The following CRTC1 variants were observed in gnomAD, a reference collection of about 807,000 sequenced individuals.
The protein encoded by CRTC1 is CREB-regulated transcription coactivator 1.
In CRTC1, 18 loss-of-function variants were observed where a neutral mutation model predicts 66.1. That is an observed-to-expected ratio of 0.27 (90% CI 0.19 to 0.40). The LOEUF is 0.40. Ranked by LOEUF, CRTC1 falls within the 10% of genes least tolerant of loss-of-function variation. The probability of loss-of-function intolerance (pLI) is 1.00; values close to 1 mark genes in which losing one functional copy is unlikely to be tolerated. For synonymous variants in CRTC1, 416 were observed against 398.8 expected (o/e 1.04, Z -0.51); for missense variants, 669 against 887.9 (o/e 0.75, Z 3.13).
chr19:18,749,450 C>A (rs1216887729), intron 4 of CRTC1, among the ~76,000 whole-genome samples: 1 of 152,234 alleles, frequency 6.6e-6, no homozygotes, highest in Non-Finnish European at 1.5e-5. Context: ...TTCCCCAAAG[C>A]CAAGAAGCCT....
intron 1 of CRTC1, among the ~76,000 whole-genome samples, chr19:18,731,163 C>T (rs1056174860): frequency 2.0e-5 from 3 of 152,166 alleles, no homozygotes; most frequent in Non-Finnish European, 2.9e-5. Context: ...TCTTAGGCTG[C>T]CATAGCAAAG....
At chr19:18,687,052 G>A (rs1481237807) in intron 1 of CRTC1, among the ~76,000 whole-genome samples, 7 of 119,846 alleles carry the variant, frequency 5.8e-5, no homozygotes, top group African/African-American at 2.4e-4. Flanking sequence ...CTCTTGCTCT[G>A]TTGCCCAGGC....
At chr19:18,690,387 C>T (rs999579528) in intron 1 of CRTC1, among the ~76,000 whole-genome samples, 4 of 152,126 alleles carry the variant, frequency 2.6e-5, no homozygotes, top group Admixed American at 6.6e-5. Flanking sequence ...GTTTCTGTGC[C>T]GGCTGCTTCA....
chr19:18,758,683 G>C (rs1568529847), intron 6 of CRTC1, among the ~76,000 whole-genome samples: 1 of 152,194 alleles, frequency 6.6e-6, no homozygotes, highest in African/African-American at 2.4e-5. Context: ...TGCAAAGCTG[G>C]TCAGCCCCAA....
chr19:18,737,292 C>T (rs1394588146), intron 1 of CRTC1, among the ~76,000 whole-genome samples: 2 of 151,918 alleles, frequency 1.3e-5, no homozygotes, highest in East Asian at 1.9e-4. Context: ...GGGGTCCCGG[C>T]GCAGGCTGTA....
chr19:18,730,171 G>A (rs974747979), intron 1 of CRTC1, among the ~76,000 whole-genome samples: 4 of 152,160 alleles, frequency 2.6e-5, no homozygotes, highest in African/African-American at 9.7e-5. Context: ...TGCTGGTGGC[G>A]TTGGTGGGGA....
chr19:18,776,438 G>C (rs1411709657), intron 13 of CRTC1, among the ~76,000 whole-genome samples: 4 of 152,214 alleles, frequency 2.6e-5, no homozygotes. Flanking sequence ...TGGATTGAGG[G>C]TGATGCGCCC....
At chr19:18,775,597 A>G (rs1354769151) in intron 12 of CRTC1, 44 bp from the exon 13 acceptor site, 1 of 1,480,988 alleles carries the variant, frequency 6.8e-7, no homozygotes. Context: ...CCAGCTGGGC[A>G]GGCCCGCGGT....
chr19:18,688,465 A>AC (rs2052742953), intron 1 of CRTC1, among the ~76,000 whole-genome samples: 1 of 147,836 alleles, frequency 6.8e-6, no homozygotes, highest in Non-Finnish European at 1.5e-5. Context: ...TTTGAGGAGG[A>AC]GCCCCCCCTG....
intron 8 of CRTC1, 116 bp from the exon 9 acceptor site, chr19:18,765,288 G>A: frequency 7.0e-7 from 1 of 1,430,102 alleles, no homozygotes. Flanking sequence ...CATGTCCATG[G>A]GCTTCTGTCT....
chr19:18,693,062 G>A (rs542850816), intron 1 of CRTC1, among the ~76,000 whole-genome samples: 159 of 121,680 alleles, frequency 1.3e-3, no homozygotes, highest in African/African-American at 5.3e-3. Flanking sequence ...GCGACAGAGC[G>A]AGACTCCGTC....
chr19:18,706,495 C>T (rs534099590), intron 1 of CRTC1, among the ~76,000 whole-genome samples: 5 of 152,086 alleles, frequency 3.3e-5, no homozygotes, highest in Non-Finnish European at 5.9e-5. Context: ...GCGTGAGCCA[C>T]CACATCTGGC....
chr19:18,701,667 G>A (rs902112684), intron 1 of CRTC1, among the ~76,000 whole-genome samples: 1 of 152,242 alleles, frequency 6.6e-6, no homozygotes, highest in East Asian at 1.9e-4. Flanking sequence ...GTGCAATGGC[G>A]CCATCTCAGC....
At chr19:18,708,429 C>A (rs138604542) in intron 1 of CRTC1, among the ~76,000 whole-genome samples, 2 of 152,236 alleles carry the variant, frequency 1.3e-5, no homozygotes, top group Middle Eastern at 3.4e-3. Context: ...AGGAACGGGG[C>A]CACCCCGGGT....
chr19:18,770,288 G>A (rs1009949412), intron 10 of CRTC1, among the ~76,000 whole-genome samples: 11 of 152,222 alleles, frequency 7.2e-5, no homozygotes, highest in African/African-American at 1.2e-4. Context: ...CGGGCCTTTC[G>A]TCCCTCGAGC....
chr19:18,760,975 C>T lies in CRTC1; in HGVS notation c.886+747C>T, dbSNP rs2054601033. On this transcript the variant is annotated intron_variant, in intron 8 of 13. Transcript: ENST00000321949. This position sits in a 1 kb window ranked among gnomAD's most constrained non-coding sequence, Gnocchi z 6.2. The stretch of plus-strand genomic sequence containing the variant: ...AGCCATGGCTTCCTCCACTTGGGAC[C>T]TCGCACGGCCCCCAGCTCCCTCTCA... 1.3e-5 allele frequency among the ~76,000 whole-genome samples: 2 copies of T among 152,104 alleles called. No homozygotes were observed. The highest frequency in any genetic ancestry group is 4.2e-4 in the South Asian group (2 of 4,818).
At chr19:18,686,501 G>T (rs2052686958) in intron 1 of CRTC1, among the ~76,000 whole-genome samples, 1 of 152,172 alleles carries the variant, frequency 6.6e-6, no homozygotes, top group Non-Finnish European at 1.5e-5. Flanking sequence ...ACAAAAATTA[G>T]TCGGGTGTGG....
intron 1 of CRTC1, among the ~76,000 whole-genome samples, chr19:18,717,048 A>C (rs1355649002): frequency 6.6e-6 from 1 of 152,078 alleles, no homozygotes; most frequent in African/African-American, 2.4e-5. Context: ...CACGTGCATG[A>C]ATGTGTTTAT....
chr19:18,727,411 C>T (rs1001841173), intron 1 of CRTC1, among the ~76,000 whole-genome samples: 5 of 151,550 alleles, frequency 3.3e-5, no homozygotes, highest in African/African-American at 4.8e-5. Context: ...GAAACCCTAT[C>T]TCTACTAAAA....
Sources: gnomAD v4.1 joint callset for allele counts (sites outside exome capture counted in the v4.1 genomes callset) on GRCh38, gnomAD v4.1.1 for gene constraint, Gnocchi (gnomAD v3.1) non-coding constraint, MANE v1.5 for transcripts, NCBI Gene and HGNC (gene_info 2026-07-23, HGNC 2026-07-21) for gene names.